The following DIAPH3 variants were observed in gnomAD, a reference collection of about 807,000 sequenced individuals.
DIAPH3 encodes the protein diaphanous related formin 3.
Under a neutral mutation model 144.3 loss-of-function variants are expected in DIAPH3, and 117 were observed. The observed-to-expected ratio is 0.81, with a 90% CI of 0.70 to 0.95. DIAPH3 has a LOEUF of 0.95. Among genes scored for constraint, DIAPH3 ranks in the 40% least tolerant of loss-of-function variants. The pLI is 0.00. For synonymous variants in DIAPH3, 519 were observed against 488.9 expected, an observed-to-expected ratio of 1.06 and a Z score of -0.81; for missense variants, 1,421 against 1,412.7, an observed-to-expected ratio of 1.01 and a Z score of -0.09.
chr13:59,974,438 C>A lies in DIAPH3; in HGVS notation c.1564G>T (p.Asp522Tyr). 6.2e-7 allele frequency: 1 copy of A among 1,610,450 alleles called. No individual in the cohort carries two copies. The highest frequency in any genetic ancestry group is 1.1e-5 in the South Asian group (1 of 90,920). The change falls in exon 15 of 28, where the codon GAC becomes TAC. Residue 522 changes from aspartate (D) to tyrosine (Y), a missense_variant. Asp to Tyr is a radical substitution (Grantham distance 160). Transcript: ENST00000400324. ...LYKKFEKEFT[D>Y]HQETQAELQK... ...AATTCAGCCTGAGTTTCTTGGTGGT[C>A]GGTAAACTCTTTTTCAAACTGAAAC...
intron 17 of DIAPH3, among the ~76,000 whole-genome samples, chr13:59,938,342 C>T (rs924939685): frequency 2.6e-5 from 4 of 152,138 alleles, no homozygotes; most frequent in African/African-American, 4.8e-5. Flanking sequence ...CTTGCAGTGG[C>T]ACAGGCCTGT....
At chr13:60,106,221 A>G (rs1434954921) in intron 3 of DIAPH3, among the ~76,000 whole-genome samples, 2 of 152,262 alleles carry the variant, frequency 1.3e-5, no homozygotes, top group East Asian at 3.9e-4. Flanking sequence ...AACAGACGTA[A>G]ATGCAGAACT....
chr13:59,963,706 C>G (rs566470770), intron 17 of DIAPH3, among the ~76,000 whole-genome samples: 10 of 152,098 alleles, frequency 6.6e-5, no homozygotes, highest in Non-Finnish European at 1.3e-4. Flanking sequence ...TAAATAGAGA[C>G]AGGGTCTCAC....
intron 20 of DIAPH3, among the ~76,000 whole-genome samples, chr13:59,909,441 A>G (rs972182764): frequency 2.0e-5 from 3 of 151,956 alleles, no homozygotes; most frequent in Non-Finnish European, 4.4e-5. Flanking sequence ...AGTAGCAGCC[A>G]GATTGGAAAT....
intron 25 of DIAPH3, among the ~76,000 whole-genome samples, chr13:59,800,859 T>C (rs1198672745): frequency 6.6e-6 from 1 of 152,094 alleles, no homozygotes; most frequent in Non-Finnish European, 1.5e-5. Context: ...CACAGCAAAA[T>C]GGTAAAATAA....
chr13:60,044,963 T>A (rs967351061), intron 4 of DIAPH3, among the ~76,000 whole-genome samples: 2 of 152,204 alleles, frequency 1.3e-5, no homozygotes, highest in African/African-American at 2.4e-5. Flanking sequence ...GATGTGACTT[T>A]GCTCTTCCTT....
intron 22 of DIAPH3, among the ~76,000 whole-genome samples, chr13:59,856,836 A>G (rs1427340956): frequency 1.3e-5 from 2 of 152,116 alleles, no homozygotes; most frequent in Non-Finnish European, 2.9e-5. Flanking sequence ...AAATTATTTT[A>G]TCATAAATAT....
intron 27 of DIAPH3, among the ~76,000 whole-genome samples, chr13:59,694,970 T>A (rs535673781): frequency 1.8e-4 from 27 of 152,224 alleles, no homozygotes; most frequent in Admixed American, 8.5e-4. Context: ...AACCCTCATG[T>A]AAAATTTATT....
intron 24 of DIAPH3, among the ~76,000 whole-genome samples, chr13:59,830,852 A>G (rs2041737631): frequency 6.6e-6 from 1 of 151,940 alleles, no homozygotes; most frequent in Non-Finnish European, 1.5e-5. Flanking sequence ...ATCTGGATTC[A>G]AATCCCAACT....
At chr13:59,866,287 G>C (rs76175391) in intron 21 of DIAPH3, among the ~76,000 whole-genome samples, 5,232 of 152,056 alleles carry the variant, frequency 0.034, 116 homozygotes, top group Non-Finnish European at 0.049. Context: ...TGGAAATTTA[G>C]AGAGATCATA....
chr13:59,730,267 A>G (rs1359403161), intron 27 of DIAPH3, among the ~76,000 whole-genome samples: 3 of 152,150 alleles, frequency 2.0e-5, no homozygotes, highest in African/African-American at 7.2e-5. Context: ...CTGGCACGCC[A>G]ATTTCTATTA....
chr13:59,755,678 G>A (rs1367319949), intron 27 of DIAPH3, among the ~76,000 whole-genome samples: 1 of 152,106 alleles, frequency 6.6e-6, no homozygotes, highest in Non-Finnish European at 1.5e-5. Context: ...TTTGCACACT[G>A]AAATCACAAA....
At chr13:60,099,803 T>TA in intron 3 of DIAPH3, among the ~76,000 whole-genome samples, 1 of 152,116 alleles carries the variant, frequency 6.6e-6, no homozygotes, top group Admixed American at 6.5e-5. Flanking sequence ...AGAAGTACAA[T>TA]ACTTGGAAAG....
chr13:59,727,971 C>T (rs1014507318), intron 27 of DIAPH3, among the ~76,000 whole-genome samples: 5 of 151,800 alleles, frequency 3.3e-5, no homozygotes, highest in African/African-American at 4.8e-5. Context: ...GCCTGGGATA[C>T]CTTGTTGTCA....
chr13:60,060,446 T>C (rs979076021), intron 4 of DIAPH3, among the ~76,000 whole-genome samples: 2 of 152,108 alleles, frequency 1.3e-5, no homozygotes, highest in African/African-American at 2.4e-5. Flanking sequence ...TATTCTCTTT[T>C]ATGATTAACA....
intron 3 of DIAPH3, among the ~76,000 whole-genome samples, 164 bp downstream of exon 3, chr13:60,111,846 A>G (rs968781832): frequency 6.6e-5 from 10 of 152,208 alleles, no homozygotes; most frequent in Non-Finnish European, 1.2e-4. Context: ...TTCAGATTTC[A>G]TATTTTTGTA....
rs534562936 is a variant in DIAPH3 at position 60,133,123 on chromosome 13, T to A, written c.181-134A>T. ...TTCTGACAGTCCAATAAAAACACAT[T>A]ATATATAATCGTTTTAATCTCTTTC... On this transcript the variant is annotated intron_variant, in intron 1 of 27. Coordinates refer to ENST00000400324, the MANE Select transcript of DIAPH3 (RefSeq NM_001042517.2). 2.1e-3 allele frequency: 1,353 copies of A among 631,286 alleles called. 23 individuals carry two copies. The highest frequency in any genetic ancestry group is 0.011 in the Middle Eastern group (26 of 2,326). 39.1% of individuals were successfully genotyped at this position (631,286 alleles called of 1,614,324 possible).
chr13:59,744,086 T>G lies in DIAPH3; in HGVS notation c.3319+30103A>C, dbSNP rs2036593177. 2.0e-5 allele frequency among the ~76,000 whole-genome samples: 3 copies of G among 152,318 alleles called. No homozygotes were observed. The South Asian group carries it at 6.2e-4, about 32-fold the overall frequency. ...CGGGTCCTGGTCACATATGTTCATT[T>G]TGAGAAAAATACATTGAACTGTGCC... On this transcript the variant is annotated intron_variant, in intron 27 of 27. Coordinates refer to ENST00000400324, the MANE Select transcript of DIAPH3 (RefSeq NM_001042517.2).
intron 18 of DIAPH3, 109 bp downstream of exon 18, chr13:59,924,666 A>T: frequency 6.8e-7 from 1 of 1,466,022 alleles, no homozygotes; most frequent in Non-Finnish European, 9.1e-7. Flanking sequence ...TCATGCATAT[A>T]ATAACAAAAT....
Sources: allele counts gnomAD v4.1 joint callset (sites outside exome capture counted in the v4.1 genomes callset), GRCh38; gene constraint gnomAD v4.1.1; transcripts MANE v1.5; gene names NCBI Gene and HGNC (gene_info 2026-07-23, HGNC 2026-07-21).